B3GLCT: variants seen among roughly 807,000 people sequenced by gnomAD.
B3GLCT encodes the protein beta 3-glucosyltransferase.
B3GLCT carries 65 observed loss-of-function variants against 63.4 expected under a neutral mutation model. The observed-to-expected ratio is 1.03, with a 90% CI of 0.84 to 1.26. The LOEUF is 1.26. B3GLCT is among the 50% of genes most tolerant of loss of function. B3GLCT has a pLI of 0.00. For synonymous variants in B3GLCT, 233 were observed against 219.2 expected (o/e 1.06, Z -0.55); for missense variants, 577 against 604.8 (o/e 0.95, Z 0.48).
chr13:31,289,877 T>G (rs1873558054), intron 12 of B3GLCT, among the ~76,000 whole-genome samples: 1 of 152,086 alleles, frequency 6.6e-6, no homozygotes, highest in South Asian at 2.1e-4. Context: ...TTTTTTTTTT[T>G]TAATTATACT....
chr13:31,236,036 A>G (rs1028111686), intron 4 of B3GLCT, among the ~76,000 whole-genome samples: 4 of 152,140 alleles, frequency 2.6e-5, no homozygotes, highest in Non-Finnish European at 5.9e-5. Context: ...GTAGACACCT[A>G]TTTCCTTGGA....
chr13:31,271,834 C>T lies in B3GLCT; in HGVS notation c.660+2557C>T, dbSNP rs563033124. Among the ~76,000 whole-genome samples, 36 of 152,252 alleles carry T rather than the reference C, an allele frequency of 2.4e-4. 1 individual carries two copies. In the South Asian group the frequency reaches 7.1e-3, roughly 30 times the overall value. ...TGGATTTTTCCTATGGAACTGCCAA[C>T]TCTTGCTTTTTATACTCTAAGGCTA... On this transcript the variant is annotated intron_variant, in intron 8 of 14. Transcript: ENST00000343307.
chr13:31,293,441 T>G lies in B3GLCT; in HGVS notation c.1064+6622T>G, dbSNP rs7993183. On this transcript the variant is annotated intron_variant, in intron 12 of 14. Transcript: ENST00000343307. The stretch of plus-strand genomic sequence containing the variant: ...CTATTATTGTGTGGGAGTCTAAGTC[T>G]CTTTGTAGGTCTTTAAGAACTTGCT... Among the ~76,000 whole-genome samples the G allele has an allele frequency of 5.5e-3, 835 of 152,286 alleles. 12 individuals carry two copies. The highest frequency in any genetic ancestry group is 0.019 in the African/African-American group (803 of 41,544).
chr13:31,285,908 A>G (rs1873307307), intron 11 of B3GLCT, among the ~76,000 whole-genome samples: 1 of 152,146 alleles, frequency 6.6e-6, no homozygotes, highest in African/African-American at 2.4e-5. Flanking sequence ...TATTTGTTCT[A>G]AAAGGGATTT....
At chr13:31,252,452 G>A (rs1485217103) in intron 6 of B3GLCT, among the ~76,000 whole-genome samples, 1 of 152,190 alleles carries the variant, frequency 6.6e-6, no homozygotes, top group Non-Finnish European at 1.5e-5. Context: ...AGACCCATCA[G>A]TGTGCTGTGT....
chr13:31,296,464 T>C (rs1873948831), intron 12 of B3GLCT, among the ~76,000 whole-genome samples: 1 of 152,196 alleles, frequency 6.6e-6, no homozygotes, highest in African/African-American at 2.4e-5. Context: ...CAGAAGGGCA[T>C]GAATCCCATT....
At chr13:31,300,202 G>A (rs892378112) in intron 12 of B3GLCT, among the ~76,000 whole-genome samples, 4 of 152,064 alleles carry the variant, frequency 2.6e-5, no homozygotes, top group African/African-American at 9.7e-5. Context: ...TCAGTTTTAG[G>A]GGAAAAGAGT....
At chr13:31,248,375 T>TAGA (rs1386365384) in intron 6 of B3GLCT, among the ~76,000 whole-genome samples, 1 of 152,186 alleles carries the variant, frequency 6.6e-6, no homozygotes, top group Non-Finnish European at 1.5e-5. Context: ...TGGCGGAGGC[T>TAGA]AGAACAAAAC....
Position 31,233,047 on chromosome 13 carries a change from A to G in B3GLCT, c.270+3753A>G, listed in dbSNP as rs557580969. Among the ~76,000 whole-genome samples, 16 of 152,356 alleles carry G rather than the reference A, an allele frequency of 1.1e-4. No individual in the cohort carries two copies. In the East Asian group the frequency reaches 2.7e-3, roughly 26 times the overall value. On this transcript the variant is annotated intron_variant, in intron 4 of 14. Coordinates refer to ENST00000343307, the MANE Select transcript of B3GLCT (RefSeq NM_194318.4). ...AATCACAAGTTCTTTGAAGGCAGAC[A>G]CTTCTTTTGATCCTTCCATAGCACC... is the stretch of plus-strand genomic sequence containing the variant.
At chr13:31,300,381 T>A (rs952779006) in intron 12 of B3GLCT, among the ~76,000 whole-genome samples, 1 of 152,188 alleles carries the variant, frequency 6.6e-6, no homozygotes, top group Admixed American at 6.5e-5. Context: ...GATGTGTTCT[T>A]CCTGCCTGCT....
At chr13:31,213,181 G>A (rs905022586) in intron 1 of B3GLCT, among the ~76,000 whole-genome samples, 4 of 152,214 alleles carry the variant, frequency 2.6e-5, no homozygotes, top group African/African-American at 7.2e-5. Flanking sequence ...CTTTTGTGAT[G>A]TGACTCTAGG....
intron 4 of B3GLCT, 72 bp from the exon 5 acceptor site, chr13:31,246,951 C>CTTTTTTTTTTTTTTTTCTTTTTTTTTTT (rs66466340): frequency 1.4e-6 from 1 of 719,078 alleles, no homozygotes; most frequent in African/African-American, 2.0e-5. Context: ...CTTTTCTTTT[C>CTTTTTTTTTTTTTTTTCTTTTTTTTTTT]TTTTTTTTTT....
At chr13:31,228,271 A>G (rs1434752907) in intron 3 of B3GLCT, among the ~76,000 whole-genome samples, 1 of 152,200 alleles carries the variant, frequency 6.6e-6, no homozygotes, top group African/African-American at 2.4e-5. Flanking sequence ...GAGGTAGGGT[A>G]GGGATTATTG....
intron 12 of B3GLCT, among the ~76,000 whole-genome samples, chr13:31,314,579 C>T (rs1354496818): frequency 6.6e-6 from 1 of 152,146 alleles, no homozygotes; most frequent in South Asian, 2.1e-4. Context: ...ATGCCTATAC[C>T]CCCATTGTAT....
intron 3 of B3GLCT, among the ~76,000 whole-genome samples, chr13:31,227,691 G>A (rs1457660387): frequency 6.6e-6 from 1 of 152,212 alleles, no homozygotes; most frequent in Non-Finnish European, 1.5e-5. Context: ...TCACTGTGGA[G>A]CTATCTGTTG....
intron 4 of B3GLCT, 121 bp from the exon 5 acceptor site, chr13:31,246,902 A>G (rs1202019032): frequency 1.3e-6 from 1 of 774,228 alleles, no homozygotes; most frequent in Non-Finnish European, 2.1e-6. Context: ...AAACAGCTGC[A>G]TTTTAAGCCA....
At chr13:31,213,106 G>A (rs926253680) in intron 1 of B3GLCT, among the ~76,000 whole-genome samples, 5 of 149,556 alleles carry the variant, frequency 3.3e-5, no homozygotes, top group Admixed American at 6.7e-5. Context: ...GAAAATAAAG[G>A]TGAGGGGCAC....
intron 14 of B3GLCT, among the ~76,000 whole-genome samples, chr13:31,325,911 A>G (rs1875580958): frequency 6.6e-6 from 1 of 152,224 alleles, no homozygotes; most frequent in Non-Finnish European, 1.5e-5. Flanking sequence ...TTCTGTTTTT[A>G]GAGAAAGTTA....
chr13:31,324,437 A>G (rs931700958), intron 14 of B3GLCT, among the ~76,000 whole-genome samples: 5 of 152,182 alleles, frequency 3.3e-5, no homozygotes, highest in Middle Eastern at 3.2e-3. Context: ...AGATGAGCTT[A>G]TGTTTACCAG....
Sources: allele counts gnomAD v4.1 joint callset (sites outside exome capture counted in the v4.1 genomes callset), GRCh38; gene constraint gnomAD v4.1.1; transcripts MANE v1.5; gene names NCBI Gene and HGNC (gene_info 2026-07-23, HGNC 2026-07-21).